The following CCDC7 variants were observed in gnomAD, a reference collection of about 807,000 sequenced individuals.
The protein encoded by CCDC7 is coiled-coil domain-containing protein 7.
In CCDC7, 183 loss-of-function variants were observed where a neutral mutation model predicts 196.9. That is an observed-to-expected ratio of 0.93 (90% CI 0.82 to 1.05). CCDC7 has a LOEUF of 1.05. Ranked by LOEUF, CCDC7 falls within the 50% of genes least tolerant of loss-of-function variation. CCDC7 has a pLI of 0.00. For synonymous variants in CCDC7, 525 were observed against 484.6 expected, an observed-to-expected ratio of 1.08 and a Z score of -1.10; for missense variants, 1,540 against 1,482.2, an observed-to-expected ratio of 1.04 and a Z score of -0.64.
intron 9 of CCDC7, among the ~76,000 whole-genome samples, chr10:32,495,428 C>T (rs1050902930): frequency 1.3e-5 from 2 of 152,110 alleles, no homozygotes; most frequent in African/African-American, 4.8e-5. Context: ...GCTTCTGTTG[C>T]CATTGTTTTT....
At chr10:32,653,515 G>A (rs1382666685) in intron 20 of CCDC7, among the ~76,000 whole-genome samples, 1 of 152,166 alleles carries the variant, frequency 6.6e-6, no homozygotes, top group Non-Finnish European at 1.5e-5. Context: ...CAGGTACCAT[G>A]ACCTCTCACC....
chr10:32,679,555 T>A (rs1264911658), intron 21 of CCDC7, among the ~76,000 whole-genome samples: 1 of 152,202 alleles, frequency 6.6e-6, no homozygotes, highest in Non-Finnish European at 1.5e-5. Flanking sequence ...TTCTTTTTAA[T>A]TGTTTGATCA....
intron 32 of CCDC7, among the ~76,000 whole-genome samples, chr10:32,827,209 A>G (rs1041432984): frequency 6.6e-6 from 1 of 152,188 alleles, no homozygotes; most frequent in South Asian, 2.1e-4. Flanking sequence ...TGGAGGTTAT[A>G]CATGGGCTCA....
At chr10:32,693,274 C>CT (rs1435374193) in intron 23 of CCDC7, among the ~76,000 whole-genome samples, 1 of 152,140 alleles carries the variant, frequency 6.6e-6, no homozygotes, top group Non-Finnish European at 1.5e-5. Context: ...AAAAGTTATA[C>CT]TTAGAGGAGT....
chr10:32,612,775 A>T (rs943190509), intron 18 of CCDC7, among the ~76,000 whole-genome samples: 1 of 152,092 alleles, frequency 6.6e-6, no homozygotes, highest in Non-Finnish European at 1.5e-5. Context: ...CGACTTGATC[A>T]TGGTGGATAA....
intron 21 of CCDC7, among the ~76,000 whole-genome samples, chr10:32,681,738 TACACACAC>T (rs57829018): frequency 0.14 from 19,297 of 137,596 alleles, 1,548 homozygotes; most frequent in East Asian, 0.25. Flanking sequence ...TTTATATGTA[TACACACAC>T]ACACACACAC....
intron 13 of CCDC7, among the ~76,000 whole-genome samples, chr10:32,549,056 G>A (rs532271021): frequency 2.2e-4 from 34 of 152,080 alleles, no homozygotes; most frequent in African/African-American, 6.7e-4. Flanking sequence ...TCTGATCACC[G>A]CATCCACACC....
intron 21 of CCDC7, among the ~76,000 whole-genome samples, chr10:32,670,099 T>A (rs984320326): frequency 6.6e-6 from 1 of 152,150 alleles, no homozygotes; most frequent in Non-Finnish European, 1.5e-5. Flanking sequence ...TGGGTTGTCC[T>A]GGGTTCTTTC....
chr10:32,516,052 T>G (rs57707816), intron 9 of CCDC7, among the ~76,000 whole-genome samples: 7,987 of 151,850 alleles, frequency 0.053, 694 homozygotes, highest in African/African-American at 0.18. Context: ...GTGCTGCAAA[T>G]GATACTATCA....
chr10:32,504,541 A>G (rs187968785), intron 9 of CCDC7, among the ~76,000 whole-genome samples: 7 of 152,308 alleles, frequency 4.6e-5, no homozygotes, highest in South Asian at 2.1e-4. Flanking sequence ...GTAGACATCT[A>G]TTGCAATAAA....
chr10:32,785,421 TAAA>T (rs1224689764), intron 29 of CCDC7, among the ~76,000 whole-genome samples: 3 of 152,204 alleles, frequency 2.0e-5, no homozygotes, highest in African/African-American at 7.2e-5. Flanking sequence ...AAATTAAATT[TAAA>T]ACACTACACA....
intron 9 of CCDC7, among the ~76,000 whole-genome samples, chr10:32,498,933 G>A (rs1414204445): frequency 1.3e-5 from 2 of 151,684 alleles, no homozygotes; most frequent in African/African-American, 2.4e-5. Flanking sequence ...ATGTTGGCCT[G>A]CCTTGCTAGA....
chr10:32,877,469 T>C (rs2094629567), downstream of CCDC7, among the ~76,000 whole-genome samples: 1 of 152,102 alleles, frequency 6.6e-6, no homozygotes, highest in Non-Finnish European at 1.5e-5. Context: ...TGTTTCTTTC[T>C]ATAATTATTT....
At chr10:32,642,189 A>G (rs1278662676) in intron 20 of CCDC7, among the ~76,000 whole-genome samples, 1 of 152,174 alleles carries the variant, frequency 6.6e-6, no homozygotes, top group Non-Finnish European at 1.5e-5. Flanking sequence ...TCAGACAGGG[A>G]CATTTAAGTC....
chr10:32,484,121 T>C (rs2040527198), intron 8 of CCDC7, among the ~76,000 whole-genome samples: 1 of 152,204 alleles, frequency 6.6e-6, no homozygotes, highest in Non-Finnish European at 1.5e-5. Context: ...ATTCTTCCTA[T>C]CCATGAGCAT....
chr10:32,746,570 G>A (rs915019237), intron 28 of CCDC7, among the ~76,000 whole-genome samples: 16 of 152,116 alleles, frequency 1.1e-4, no homozygotes, highest in Non-Finnish European at 1.5e-4. Context: ...CAGTGACATC[G>A]GGCCAATCTT....
chr10:32,655,402 T>C (rs2069612155), intron 20 of CCDC7, among the ~76,000 whole-genome samples: 1 of 152,196 alleles, frequency 6.6e-6, no homozygotes, highest in Admixed American at 6.5e-5. Flanking sequence ...TCTTTTGCGT[T>C]TTTCATTATA....
At chr10:32,823,401 A>G (rs1322976222) in intron 31 of CCDC7, among the ~76,000 whole-genome samples, 1 of 152,160 alleles carries the variant, frequency 6.6e-6, no homozygotes, top group Non-Finnish European at 1.5e-5. Flanking sequence ...CGGCCTCCCA[A>G]AGTGCTGGGA....
intron 6 of CCDC7, 23 bp downstream of exon 7, chr10:32,471,253 T>A: frequency 6.3e-7 from 1 of 1,598,250 alleles, no homozygotes; most frequent in Non-Finnish European, 8.5e-7. Context: ...TAAGAACTAA[T>A]TGAATTAAAA....
Sources: allele counts gnomAD v4.1 joint callset (sites outside exome capture counted in the v4.1 genomes callset), GRCh38; gene constraint gnomAD v4.1.1; transcripts MANE v1.5; gene names NCBI Gene and HGNC (gene_info 2026-07-23, HGNC 2026-07-21).